Variants in EPHA3 observed in about 807,000 individuals in gnomAD.
The protein encoded by EPHA3 is ephrin type-A receptor 3.
In EPHA3, 42 loss-of-function variants were observed where a neutral mutation model predicts 107.1. The ratio of observed to expected loss-of-function variants is 0.39; its 90% CI spans 0.31 to 0.51. EPHA3 has a LOEUF of 0.51. Among genes scored for constraint, EPHA3 ranks in the 20% least tolerant of loss-of-function variants. The pLI, the probability that EPHA3 is intolerant of heterozygous loss-of-function variation, is 0.78. For synonymous variants in EPHA3, 461 were observed against 424.8 expected, an observed-to-expected ratio of 1.09 and a Z score of -1.05; for missense variants, 1,183 against 1,211.2, an observed-to-expected ratio of 0.98 and a Z score of 0.35.
At chr3:89,427,276 T>C (rs1169930252) in intron 11 of EPHA3, among the ~76,000 whole-genome samples, 3 of 151,934 alleles carry the variant, frequency 2.0e-5, no homozygotes, top group Admixed American at 1.3e-4. Flanking sequence ...TTCAAATTAC[T>C]GAATGTAAAA....
intron 12 of EPHA3, 55 bp from the exon 13 acceptor site, chr3:89,431,095 T>C: frequency 6.4e-7 from 1 of 1,556,170 alleles, no homozygotes; most frequent in Non-Finnish European, 8.8e-7. Context: ...CCAATAAAGA[T>C]ATATCTTTAA....
At chr3:89,140,438 A>G (rs1401367772) in intron 2 of EPHA3, among the ~76,000 whole-genome samples, 1 of 151,762 alleles carries the variant, frequency 6.6e-6, no homozygotes, top group Non-Finnish European at 1.5e-5. Context: ...TGAACTGCTA[A>G]AATAATCACT....
At chr3:89,386,471 C>G (rs1708625640) in intron 5 of EPHA3, among the ~76,000 whole-genome samples, 2 of 152,222 alleles carry the variant, frequency 1.3e-5, no homozygotes, top group South Asian at 2.1e-4. Flanking sequence ...TAGTGTTGAG[C>G]CTGCAGGTGC....
At chr3:89,161,654 G>T (rs1348902422) in intron 2 of EPHA3, among the ~76,000 whole-genome samples, 3 of 151,976 alleles carry the variant, frequency 2.0e-5, no homozygotes, top group Non-Finnish European at 4.4e-5. Flanking sequence ...GAGTAACCTT[G>T]TGTGAATATC....
At chr3:89,243,313 C>A (rs1704952244) in intron 3 of EPHA3, among the ~76,000 whole-genome samples, 1 of 152,130 alleles carries the variant, frequency 6.6e-6, no homozygotes, top group South Asian at 2.1e-4. Context: ...AGTTCTAGAT[C>A]CCTGAGGAAT....
intron 2 of EPHA3, among the ~76,000 whole-genome samples, chr3:89,166,915 G>A (rs6551401): frequency 0.23 from 34,327 of 152,034 alleles, 4,019 homozygotes; most frequent in Middle Eastern, 0.33. Flanking sequence ...ATTTAAGAAG[G>A]GGTTGAGTGG....
intron 16 of EPHA3, among the ~76,000 whole-genome samples, chr3:89,476,125 ATATATAT>A (rs900568693): frequency 4.1e-5 from 6 of 147,582 alleles, no homozygotes; most frequent in Non-Finnish European, 6.0e-5. Flanking sequence ...ATATATAAAA[ATATATAT>A]TATATATTAT....
intron 2 of EPHA3, among the ~76,000 whole-genome samples, chr3:89,132,763 A>T (rs1704233113): frequency 6.6e-6 from 1 of 152,056 alleles, no homozygotes; most frequent in Admixed American, 6.5e-5. Flanking sequence ...GGTGGCCTTC[A>T]CCTGTAGTTC....
intron 2 of EPHA3, among the ~76,000 whole-genome samples, chr3:89,168,906 A>G (rs1294740602): frequency 2.0e-5 from 3 of 152,130 alleles, no homozygotes; most frequent in African/African-American, 7.2e-5. Flanking sequence ...AAAATTATAG[A>G]AAAGTCTCAG....
At chr3:89,158,463 G>A (rs779077293) in intron 2 of EPHA3, among the ~76,000 whole-genome samples, 1 of 151,984 alleles carries the variant, frequency 6.6e-6, no homozygotes, top group Non-Finnish European at 1.5e-5. Context: ...GTATTGGTTG[G>A]CTATTTAGTC....
chr3:89,398,676 A>C (rs1708896800), intron 6 of EPHA3, among the ~76,000 whole-genome samples: 5 of 152,216 alleles, frequency 3.3e-5, no homozygotes, highest in Admixed American at 3.3e-4. Context: ...TGTTATTGGA[A>C]TTAGATTTAA....
intron 16 of EPHA3, among the ~76,000 whole-genome samples, chr3:89,475,339 C>T (rs1397903303): frequency 2.7e-4 from 41 of 152,140 alleles, no homozygotes; most frequent in Non-Finnish European, 1.3e-4. Flanking sequence ...ATGATTTGCT[C>T]GACCAAATAA....
At chr3:89,228,150 T>A (rs947545647) in intron 3 of EPHA3, among the ~76,000 whole-genome samples, 2 of 151,980 alleles carry the variant, frequency 1.3e-5, no homozygotes, top group African/African-American at 4.8e-5. Context: ...ATAAAATGCC[T>A]ACTCAGATTC....
intron 5 of EPHA3, among the ~76,000 whole-genome samples, chr3:89,352,880 G>T (rs1189205037): frequency 7.4e-6 from 1 of 134,976 alleles, no homozygotes; most frequent in South Asian, 2.3e-4. Flanking sequence ...TCCAGCCTGG[G>T]CGACAGAGCA....
At chr3:89,330,189 C>A (rs1425315685) in intron 3 of EPHA3, among the ~76,000 whole-genome samples, 3 of 151,896 alleles carry the variant, frequency 2.0e-5, no homozygotes, top group Admixed American at 6.6e-5. Flanking sequence ...TAAGTAGAAA[C>A]CCCCTTTCCA....
intron 3 of EPHA3, among the ~76,000 whole-genome samples, chr3:89,301,750 A>T (rs115340597): frequency 5.2e-4 from 79 of 152,232 alleles, no homozygotes; most frequent in Admixed American, 7.9e-4. Context: ...ATGGAAATGT[A>T]TTCTAATTTT....
intron 5 of EPHA3, among the ~76,000 whole-genome samples, chr3:89,395,520 A>G (rs1708831285): frequency 1.3e-5 from 2 of 152,102 alleles, no homozygotes; most frequent in South Asian, 4.1e-4. Context: ...TACATCAAAT[A>G]TATTTCATTG....
intron 3 of EPHA3, among the ~76,000 whole-genome samples, chr3:89,274,933 A>G (rs1294632694): frequency 6.6e-6 from 1 of 152,062 alleles, no homozygotes; most frequent in Non-Finnish European, 1.5e-5. Flanking sequence ...TCATTTCACT[A>G]GCATGACAGA....
intron 2 of EPHA3, among the ~76,000 whole-genome samples, chr3:89,185,060 T>C (rs7430987): frequency 0.14 from 21,886 of 152,036 alleles, 1,736 homozygotes; most frequent in African/African-American, 0.22. Flanking sequence ...TTTATCTGCA[T>C]GTGTGGGCTG....
Sources: allele counts gnomAD v4.1 joint callset (sites outside exome capture counted in the v4.1 genomes callset), GRCh38; gene constraint gnomAD v4.1.1; transcripts MANE v1.5; gene names NCBI Gene and HGNC (gene_info 2026-07-23, HGNC 2026-07-21).